The following PLAGL1 variants were observed in gnomAD, a reference collection of about 807,000 sequenced individuals.
The protein encoded by PLAGL1 is zinc finger protein PLAGL1.
Under a neutral mutation model 4.6 loss-of-function variants are expected in PLAGL1, and 1 was observed. The ratio of observed to expected loss-of-function variants is 0.22; its 90% CI spans 0.08 to 1.03. PLAGL1 has a LOEUF of 1.03. PLAGL1 is among the 50% of genes least tolerant of loss of function. The pLI is 0.58. For missense variants in PLAGL1, 464 were observed against 570.4 expected (o/e 0.81, Z 1.90); for synonymous variants, 240 against 237.8 (o/e 1.01, Z -0.08).
Position 143,985,960 on chromosome 6 carries a change from ATC to A in PLAGL1, c.-583-788_-583-787del, listed in dbSNP as rs1202568819. Among the ~76,000 whole-genome samples the A allele has an allele frequency of 4.4e-5, 6 of 135,290 alleles. No individual in the cohort carries two copies. The highest frequency in any genetic ancestry group is 1.6e-4 in the African/African-American group (6 of 37,300). The allele number at this position is 135,290 out of a possible 152,430, so 88.8% of individuals were successfully genotyped here. The stretch of plus-strand genomic sequence containing the variant: ...ATAAAAGATATATATACACATATAT[ATC>A]AAATTATATATATATAAAATTATAT... On this transcript the variant is annotated intron_variant, in intron 1 of 7. Transcript: ENST00000674357. This position sits in a 1 kb window ranked among gnomAD's most constrained non-coding sequence, Gnocchi z 4.4.
At chr6:143,992,108 T>C (rs973504785) in intron 1 of PLAGL1, among the ~76,000 whole-genome samples, 19 of 152,232 alleles carry the variant, frequency 1.2e-4, no homozygotes, top group African/African-American at 4.1e-4. Context: ...ACTTATAACT[T>C]ATAAATATTT....
At chr6:144,001,993 TA>T (rs1240786120) in intron 1 of PLAGL1, among the ~76,000 whole-genome samples, 2 of 150,484 alleles carry the variant, frequency 1.3e-5, no homozygotes, top group Admixed American at 6.6e-5. Flanking sequence ...ATCCTGAAAT[TA>T]AAAAAAAAGA....
In PLAGL1 at chr6:143,941,931, C is replaced by T. The variant is rs17847330; in HGVS notation, c.885G>A (p.Pro295=). 2,607 of 1,608,238 alleles carry T rather than the reference C, an allele frequency of 1.6e-3. 35 individuals carry two copies. In the East Asian group the frequency reaches 0.031, roughly 19 times the overall value. ...LHPSVSPGSP[P]PPLPNHKYNT... is the part of the protein sequence containing the mutation. The stretch of plus-strand genomic sequence containing the variant: ...TGTACTTGTGATTGGGAAGGGGTGG[C>T]GGAGGAGAGCCAGGGGATACCGAGG... Residue 295 remains proline (P), a synonymous_variant, in exon 8 of 8, where the codon CCG becomes CCA. Transcript: ENST00000674357. This position sits in a 1 kb window ranked among gnomAD's most constrained non-coding sequence, Gnocchi z 6.0.
rs890539262 is a variant in PLAGL1 at position 144,004,928 on chromosome 6, G to A, written c.-584+3162C>T. On this transcript the variant is annotated intron_variant, in intron 1 of 7. Transcript: ENST00000674357. This position sits in a 1 kb window ranked among gnomAD's most constrained non-coding sequence, Gnocchi z 4.2. The stretch of plus-strand genomic sequence containing the variant: ...TGAAACATAAACCTTAGAGACAGGA[G>A]ATTTTATTCATATATATATATACAT... The A allele has an allele frequency of 2.1e-5, 3 of 142,366 alleles. No individual in the cohort carries two copies. 8.8% of individuals were successfully genotyped at this position (142,366 alleles called of 1,614,324 possible).
Position 143,957,300 on chromosome 6 carries a change from G to A in PLAGL1, c.-325+3169C>T, listed in dbSNP as rs200804164. Among the ~76,000 whole-genome samples, 1 of 33,228 alleles carries A rather than the reference G, an allele frequency of 3.0e-5. No homozygotes were observed. The highest frequency in any genetic ancestry group is 1.0e-4 in the Non-Finnish European group (1 of 10,016). 21.8% of individuals were successfully genotyped at this position (33,228 alleles called of 152,430 possible). A position where few individuals can be genotyped will look rare whatever the true frequency, so the allele number is the denominator to read the frequency against. ...GAATGAAGACTCTCAGGAGTCTGGTGGGGGGGTGAGGGGTGGAGAGCAACT... is the reference window on the plus strand; with the variant it reads ...GAATGAAGACTCTCAGGAGTCTGGTAGGGGGGTGAGGGGTGGAGAGCAACT... On this transcript the variant is annotated intron_variant, in intron 6 of 7. Transcript: ENST00000674357. The surrounding 1 kb of genome is among the most constrained non-coding windows in gnomAD (Gnocchi z 4.2).
intron 1 of PLAGL1, among the ~76,000 whole-genome samples, chr6:144,043,903 T>C (rs1797929540): frequency 6.6e-6 from 1 of 152,356 alleles, no homozygotes; most frequent in South Asian, 2.1e-4. Context: ...GGTTTAGCCT[T>C]GGCAGGGTGT....
rs1274387946 is a variant in PLAGL1 at position 143,961,729 on chromosome 6, A to G, written c.-398-1187T>C. On this transcript the variant is annotated intron_variant, in intron 5 of 7. Coordinates refer to ENST00000674357, the MANE Select transcript of PLAGL1 (RefSeq NM_001317162.2). The surrounding 1 kb of genome is among the most constrained non-coding windows in gnomAD (Gnocchi z 6.5). Reference sequence around the variant, plus strand: ...AATTGGGTGGTCTCCAAAGGCTTGTATAAAATTTTTTTTGAAAGAGCTTTA... The same window carrying G: ...AATTGGGTGGTCTCCAAAGGCTTGTGTAAAATTTTTTTTGAAAGAGCTTTA... 6.6e-6 allele frequency among the ~76,000 whole-genome samples: 1 copy of G among 152,216 alleles called. No individual in the cohort carries two copies. The highest frequency in any genetic ancestry group is 2.4e-5 in the African/African-American group (1 of 41,462).
In PLAGL1 at chr6:143,972,314, G is replaced by A. The variant is rs999699735; in HGVS notation, c.-543-3336C>T. ...AGAGCTACAGGGCCATGTGTTAAGT[G>A]CCATAATAGAGGTGTACACAAAGGG... On this transcript the variant is annotated intron_variant, in intron 2 of 7. Coordinates refer to ENST00000674357, the MANE Select transcript of PLAGL1 (RefSeq NM_001317162.2). The surrounding 1 kb of genome is among the most constrained non-coding windows in gnomAD (Gnocchi z 6.8). Among the ~76,000 whole-genome samples the A allele has an allele frequency of 2.0e-5, 3 of 152,190 alleles. No homozygotes were observed. Among genetic ancestry groups the A allele is most frequent in the Non-Finnish European group, 2.9e-5 (2 of 68,024 alleles).
At chr6:144,021,942 T>C (rs1356642717) in intron 1 of PLAGL1, among the ~76,000 whole-genome samples, 1 of 152,128 alleles carries the variant, frequency 6.6e-6, no homozygotes, top group African/African-American at 2.4e-5. Flanking sequence ...TCCTATTTTA[T>C]AGATGAGGCA....
In PLAGL1 at chr6:143,985,870, C is replaced by T. The variant is rs1409426653; in HGVS notation, c.-583-696G>A. On this transcript the variant is annotated intron_variant, in intron 1 of 7. Coordinates refer to ENST00000674357, the MANE Select transcript of PLAGL1 (RefSeq NM_001317162.2). This position sits in a 1 kb window ranked among gnomAD's most constrained non-coding sequence, Gnocchi z 4.4. ...CAAGAAACCTCTGAGTGCTTACCAT[C>T]GGCCAAGCTACATATTATATATTAT... 1.3e-5 allele frequency among the ~76,000 whole-genome samples: 2 copies of T among 148,926 alleles called. No individual in the cohort carries two copies. Among genetic ancestry groups the T allele is most frequent in the South Asian group, 2.1e-4 (1 of 4,750 alleles).
At chr6:144,033,162 G>A (rs1189926325) in intron 1 of PLAGL1, among the ~76,000 whole-genome samples, 2 of 152,312 alleles carry the variant, frequency 1.3e-5, no homozygotes, top group Non-Finnish European at 2.9e-5. Context: ...ACCACAAGAA[G>A]TGCGCAGATA....
intron 1 of PLAGL1, among the ~76,000 whole-genome samples, chr6:144,046,018 G>A (rs190105895): frequency 6.6e-6 from 1 of 152,244 alleles, no homozygotes; most frequent in Admixed American, 6.5e-5. Flanking sequence ...CTTGTGCCAT[G>A]GTTTTCAGCT....
rs916762349 is a variant in PLAGL1, at chr6:143,940,555, G to A, written c.*869C>T. The A allele has an allele frequency of 1.9e-4, 29 of 152,340 alleles. No individual in the cohort carries two copies. The highest frequency in any genetic ancestry group is 7.0e-4 in the African/African-American group (29 of 41,434). The allele number at this position is 152,340 out of a possible 1,614,324, so 9.4% of individuals were successfully genotyped here. On this transcript the variant is annotated 3_prime_UTR_variant, in exon 8 of 8. Transcript: ENST00000674357. ...CAATACTTAAGAACTTAAGCAGCTTGAGTAGTAGTTTAAGCTAGACAGAGC... is the reference window on the plus strand; with the variant it reads ...CAATACTTAAGAACTTAAGCAGCTTAAGTAGTAGTTTAAGCTAGACAGAGC...
chr6:143,959,663 A>C lies in PLAGL1; in HGVS notation c.-325+806T>G, dbSNP rs1782937193. On this transcript the variant is annotated intron_variant, in intron 6 of 7. Transcript: ENST00000674357. This position sits in a 1 kb window ranked among gnomAD's most constrained non-coding sequence, Gnocchi z 5.3. ...AGCCCTAAGAGATAGGTAGAAGGGC[A>C]TCATTGTCCCCATTTCACAAATGAG... is the stretch of plus-strand genomic sequence containing the variant. Among the ~76,000 whole-genome samples, 1 of 152,210 alleles carries C rather than the reference A, an allele frequency of 6.6e-6. No individual in the cohort carries two copies. The highest frequency in any genetic ancestry group is 2.1e-4 in the South Asian group (1 of 4,830).
Position 143,941,388 on chromosome 6 carries a change from T to C in PLAGL1, c.*36A>G. On this transcript the variant is annotated 3_prime_UTR_variant, in exon 8 of 8. Coordinates refer to ENST00000674357, the MANE Select transcript of PLAGL1 (RefSeq NM_001317162.2). The surrounding 1 kb of genome is among the most constrained non-coding windows in gnomAD (Gnocchi z 6.0). ...GACATTTAAAATGCTTCTTAAAACATCTTCCAGAATACGAAAAATACACTT... is the reference window on the plus strand; with the variant it reads ...GACATTTAAAATGCTTCTTAAAACACCTTCCAGAATACGAAAAATACACTT... 1.4e-6 allele frequency: 2 copies of C among 1,462,104 alleles called. No individual in the cohort carries two copies. The highest frequency in any genetic ancestry group is 1.5e-5 in the South Asian group (1 of 68,286). The allele number at this position is 1,462,104 out of a possible 1,614,324, so 90.6% of individuals were successfully genotyped here. A position where few individuals can be genotyped will look rare whatever the true frequency, so the allele number is the denominator to read the frequency against.
chr6:144,014,166 T>C (rs1488662583), intron 1 of PLAGL1, among the ~76,000 whole-genome samples: 1 of 152,162 alleles, frequency 6.6e-6, no homozygotes, highest in Non-Finnish European at 1.5e-5. Flanking sequence ...GCATGGTGGC[T>C]CACACCTGTA....
Position 143,943,031 on chromosome 6 carries a change from ATTTTTT to A in PLAGL1, c.153-374_153-369del, listed in dbSNP as rs61216054. Among the ~76,000 whole-genome samples, 39 of 64,652 alleles carry A rather than the reference ATTTTTT, an allele frequency of 6.0e-4. 2 individuals are homozygous for A. Among genetic ancestry groups the A allele is most frequent in the Non-Finnish European group, 1.0e-3 (35 of 34,896 alleles). 42.4% of individuals were successfully genotyped at this position (64,652 alleles called of 152,430 possible). A position where few individuals can be genotyped will look rare whatever the true frequency, so the allele number is the denominator to read the frequency against. On this transcript the variant is annotated intron_variant, in intron 7 of 7. Coordinates refer to ENST00000674357, the MANE Select transcript of PLAGL1 (RefSeq NM_001317162.2). Reference sequence around the variant, plus strand: ...AGGCACACACCACCAGGCCTGGCTAATTTTTTTTTTTTTTTTTTTGAGACAAGGTCT... The same window carrying A: ...AGGCACACACCACCAGGCCTGGCTAATTTTTTTTTTTTTGAGACAAGGTCT...
Position 144,035,826 on chromosome 6 carries a change from A to G in PLAGL1, c.-151+28642T>C, listed in dbSNP as rs113494818. Among the ~76,000 whole-genome samples, 1,455 of 152,162 alleles carry G rather than the reference A, an allele frequency of 9.6e-3. 11 individuals carry two copies. The highest frequency in any genetic ancestry group is 0.024 in the Middle Eastern group (7 of 294). On this transcript the variant is annotated intron_variant, in intron 1 of 3. Transcript: ENST00000437412. ...TGTAATGTAGATCATTACTGATCTCATATGGTTGATGAGAAAAATGACAAT... is the reference window on the plus strand; with the variant it reads ...TGTAATGTAGATCATTACTGATCTCGTATGGTTGATGAGAAAAATGACAAT...
At position 144,030,281 on chromosome 6, in the gene PLAGL1, A is replaced by AAAAAAAAAAAAAAG. The variant is rs1296064916; in HGVS notation, c.-151+34186_-151+34187insCTTTTTTTTTTTTT. Reference sequence around the variant, plus strand: ...AAAAAAAAAAAAAAAAAAAAAAAAAAAAGAAGATGTAAATTTTAATACAAT... The same window carrying AAAAAAAAAAAAAAG: ...AAAAAAAAAAAAAAAAAAAAAAAAAAAAAAAAAAAAAAAGAAGAAGATGTAAATTTTAATACAAT... On this transcript the variant is annotated intron_variant, in intron 1 of 3. Coordinates refer to the PLAGL1 transcript ENST00000437412. Among the ~76,000 whole-genome samples the AAAAAAAAAAAAAAG allele has an allele frequency of 5.6e-4, 75 of 132,956 alleles. 7 individuals carry two copies. In the East Asian group the frequency reaches 6.6e-3, roughly 12 times the overall value. 87.2% of individuals were successfully genotyped at this position (132,956 alleles called of 152,430 possible).
Sources: gnomAD v4.1 joint callset for allele counts (sites outside exome capture counted in the v4.1 genomes callset) on GRCh38, gnomAD v4.1.1 for gene constraint, Gnocchi (gnomAD v3.1) non-coding constraint, MANE v1.5 for transcripts, NCBI Gene and HGNC (gene_info 2026-07-23, HGNC 2026-07-21) for gene names.